The following KIF1A variants were observed in gnomAD, a reference collection of about 807,000 sequenced individuals.
The protein encoded by KIF1A is kinesin family member 1A.
Under a neutral mutation model 227.3 loss-of-function variants are expected in KIF1A, and 46 were observed. The observed-to-expected ratio is 0.20, with a 90% CI of 0.16 to 0.26. The LOEUF is 0.26. KIF1A is among the 10% of genes least tolerant of loss of function. KIF1A has a pLI of 1.00. For synonymous variants in KIF1A, 1,022 were observed against 1,012.8 expected, an observed-to-expected ratio of 1.01 and a Z score of -0.17; for missense variants, 1,683 against 2,485.9, an observed-to-expected ratio of 0.68 and a Z score of 6.87.
intron 43 of KIF1A, 82 bp downstream of exon 43, chr2:240,722,374 G>T (rs998609503): frequency 5.9e-6 from 8 of 1,348,496 alleles, no homozygotes; most frequent in Non-Finnish European, 8.1e-6. Flanking sequence ...GGGCAAGGCC[G>T]GGTTGCTGGA....
intron 38 of KIF1A, chr2:240,728,502 A>T (rs897207263): frequency 1.1e-6 from 1 of 882,750 alleles, no homozygotes; most frequent in Non-Finnish European, 1.7e-6. Flanking sequence ...CCAGGGCAGA[A>T]AACTTAAGAG....
intron 34 of KIF1A, among the ~76,000 whole-genome samples, chr2:240,742,340 G>A (rs139925185): frequency 1.2e-3 from 188 of 152,254 alleles, no homozygotes; most frequent in African/African-American, 4.5e-3. Context: ...TGGGCTATGA[G>A]AGACTCGGCC....
rs371444142 is a variant in KIF1A, at chr2:240,758,461, G to A, written c.2481C>T (p.Arg827=). 16 of 1,607,886 alleles carry A rather than the reference G, an allele frequency of 1.0e-5. No homozygotes were observed. The highest frequency in any genetic ancestry group is 4.0e-5 in the African/African-American group (3 of 74,732). The change falls in exon 26 of 49, where the codon CGC becomes CGT. Residue 827 remains arginine, a synonymous_variant. Coordinates refer to ENST00000498729, the MANE Select transcript of KIF1A (RefSeq NM_001244008.2). This position sits in a 1 kb window ranked among gnomAD's most constrained non-coding sequence, Gnocchi z 5.2. ...RLDLMREMYD[R]AAEVPSSVIE... The stretch of plus-strand genomic sequence containing the variant: ...TGACACTGGAGGGCACCTCTGCAGC[G>A]CGGTCGTACATCTCCCGCATCAGGT...
chr2:240,746,761 G>A (rs1279783466), intron 29 of KIF1A, among the ~76,000 whole-genome samples: 1 of 152,244 alleles, frequency 6.6e-6, no homozygotes, highest in Admixed American at 6.5e-5. Flanking sequence ...GAGACTGAGT[G>A]GTCCAGGTGC....
At position 240,788,294 on chromosome 2, in the gene KIF1A, G is replaced by C; in HGVS notation, c.184-64C>G. ...GTGCATCCGAGGCTCAGCCCATCAT[G>C]TCTGCGGAGCCAGGGGATGCCCAGG... On this transcript the variant is annotated intron_variant, in intron 3 of 48. Transcript: ENST00000498729. This position sits in a 1 kb window ranked among gnomAD's most constrained non-coding sequence, Gnocchi z 6.6. 6.6e-7 allele frequency: 1 copy of C among 1,507,936 alleles called. No individual in the cohort carries two copies. Among genetic ancestry groups the C allele is most frequent in the Non-Finnish European group, 9.1e-7 (1 of 1,093,096 alleles). The allele number at this position is 1,507,936 out of a possible 1,614,324, so 93.4% of individuals were successfully genotyped here. A position where few individuals can be genotyped will look rare whatever the true frequency, so the allele number is the denominator to read the frequency against.
At chr2:240,753,114 T>A (rs896909351) in intron 27 of KIF1A, among the ~76,000 whole-genome samples, 4 of 152,056 alleles carry the variant, frequency 2.6e-5, no homozygotes, top group Non-Finnish European at 5.9e-5. Flanking sequence ...CCCACCAACT[T>A]CTGAGCTACC....
intron 38 of KIF1A, among the ~76,000 whole-genome samples, chr2:240,728,649 G>A (rs770138484): frequency 3.9e-5 from 6 of 152,226 alleles, no homozygotes; most frequent in East Asian, 1.9e-4. Flanking sequence ...AGAGCCTTGC[G>A]TCTGTCCTCA....
chr2:240,746,089 C>G lies in KIF1A; in HGVS notation c.3152G>C (p.Gly1051Ala). 1 of 1,591,632 alleles carries G rather than the reference C, an allele frequency of 6.3e-7. No individual in the cohort carries two copies. Among genetic ancestry groups the G allele is most frequent in the African/African-American group, 1.3e-5 (1 of 74,564 alleles). Residue 1051 changes from glycine (G) to alanine (A), a missense_variant, in exon 30 of 49, where the codon GGT becomes GCT. Coordinates refer to ENST00000498729, the MANE Select transcript of KIF1A (RefSeq NM_001244008.2). ...ATCGGCTGAGGGCCCCACGTCTGCA[C>G]CCTGGCCCTGGCCCTCCACGATGCG... ...ELRIVEGQGQ[G>A]ADVGPSADEV...
intron 2 of KIF1A, among the ~76,000 whole-genome samples, chr2:240,794,205 C>T (rs1282519377): frequency 6.6e-6 from 1 of 152,232 alleles, no homozygotes; most frequent in Non-Finnish European, 1.5e-5. Context: ...GGACATCCTT[C>T]TCTCCTGAGC....
At chr2:240,779,789 G>A (rs2053373133) in intron 10 of KIF1A, among the ~76,000 whole-genome samples, 1 of 152,174 alleles carries the variant, frequency 6.6e-6, no homozygotes, top group Non-Finnish European at 1.5e-5. Context: ...CCCCACACTG[G>A]CTGACACGCT....
intron 38 of KIF1A, chr2:240,728,386 T>C (rs1337807023): frequency 6.9e-6 from 9 of 1,301,176 alleles, no homozygotes; most frequent in South Asian, 1.2e-5. Flanking sequence ...AAGTGAGCTG[T>C]ACCTAGTGTC....
In KIF1A at chr2:240,775,765, G is replaced by A. The variant is rs1007236799; in HGVS notation, c.958+86C>T. 41 of 907,566 alleles carry A rather than the reference G, an allele frequency of 4.5e-5. No homozygotes were observed. The East Asian group carries it at 5.6e-4, about 12-fold the overall frequency. The allele number at this position is 907,566 out of a possible 1,614,324, so 56.2% of individuals were successfully genotyped here. On this transcript the variant is annotated intron_variant, in intron 11 of 48. Transcript: ENST00000498729. This position sits in a 1 kb window ranked among gnomAD's most constrained non-coding sequence, Gnocchi z 5.5. Reference sequence around the variant, plus strand: ...CAGAAAGGGTGAGAGGCCTGCTGGCGACTGGGCACCCCCTCAGTGGGGAAG... The same window carrying A: ...CAGAAAGGGTGAGAGGCCTGCTGGCAACTGGGCACCCCCTCAGTGGGGAAG...
intron 31 of KIF1A, 31 bp from the exon 32 acceptor site, chr2:240,745,548 G>T: frequency 1.9e-6 from 3 of 1,576,810 alleles, no homozygotes; most frequent in Non-Finnish European, 1.7e-6. Context: ...TTTGGTGTGG[G>T]GTGGGGGACT....
intron 1 of KIF1A, among the ~76,000 whole-genome samples, chr2:240,810,919 G>A (rs1013606960): frequency 6.6e-6 from 1 of 152,220 alleles, no homozygotes. Flanking sequence ...CGAGATGCCG[G>A]GTGGTGGTGA....
chr2:240,727,621 G>A (rs894295803), intron 38 of KIF1A, among the ~76,000 whole-genome samples: 2 of 152,196 alleles, frequency 1.3e-5, no homozygotes, highest in Admixed American at 6.5e-5. Flanking sequence ...GTTAGCACAC[G>A]GGAGACAGCG....
In KIF1A at chr2:240,775,925, T is replaced by C. The variant is rs1559517909; in HGVS notation, c.884A>G (p.Asn295Ser). 1 of 1,605,962 alleles carries C rather than the reference T, an allele frequency of 6.2e-7. No individual in the cohort carries two copies. Among genetic ancestry groups the C allele is most frequent in the Non-Finnish European group, 8.5e-7 (1 of 1,172,522 alleles). ...LAEMDSGPNK[N>S]KKKKKTDFIP... ...GAAATCTGTCTTCTTCTTTTTCTTGTTCTGTGGGGGAGGAACATTCAAGGT... is the reference window on the plus strand; with the variant it reads ...GAAATCTGTCTTCTTCTTTTTCTTGCTCTGTGGGGGAGGAACATTCAAGGT... The change falls in exon 11 of 49, where the codon AAC becomes AGC. Residue 295 changes from asparagine (N) to serine (S), a missense_variant and splice_region_variant. Transcript: ENST00000498729. This position sits in a 1 kb window ranked among gnomAD's most constrained non-coding sequence, Gnocchi z 5.5.
Position 240,716,049 on chromosome 2 carries a change from T to G in KIF1A, c.*1315A>C, listed in dbSNP as rs2044566884. On this transcript the variant is annotated 3_prime_UTR_variant, in exon 49 of 49. Coordinates refer to ENST00000498729, the MANE Select transcript of KIF1A (RefSeq NM_001244008.2). ...CTTGGGGCTGACCCCCGTCCTGTCC[T>G]GGGTGGCCCTCGGACATTGGTGTCT... The G allele has an allele frequency of 6.6e-6, 1 of 152,328 alleles. No individual in the cohort carries two copies. Among genetic ancestry groups the G allele is most frequent in the South Asian group, 2.1e-4 (1 of 4,812 alleles). The allele number at this position is 152,328 out of a possible 1,614,324, so 9.4% of individuals were successfully genotyped here.
At position 240,750,513 on chromosome 2, in the gene KIF1A, C is replaced by T. The variant is rs747975784; in HGVS notation, c.2893G>A (p.Val965Ile). The T allele has an allele frequency of 7.4e-6, 12 of 1,613,734 alleles. No individual in the cohort carries two copies. The highest frequency in any genetic ancestry group is 6.7e-5 in the East Asian group (3 of 44,890). Residue 965 changes from valine to isoleucine, a missense_variant, in exon 28 of 49, where the codon GTT becomes ATT. Around this residue, in one of 12 missense-constraint regions of KIF1A, gnomAD observed 759 missense variants for 1,020.2 expected, o/e 0.74. Transcript: ENST00000498729. ...ATTGCCACACGGTGTACCAGGGGAACGGGGTACAGCAGGTTGCTCAGGTAC... is the reference window on the plus strand; with the variant it reads ...ATTGCCACACGGTGTACCAGGGGAATGGGGTACAGCAGGTTGCTCAGGTAC... ...FVYLSNLLYP[V>I]PLVHRVAIVS...
Position 240,725,288 on chromosome 2 carries a change from G to A in KIF1A, c.4239C>T (p.Ser1413=). 1.2e-6 allele frequency: 2 copies of A among 1,606,124 alleles called. No homozygotes were observed. The highest frequency in any genetic ancestry group is 1.7e-6 in the Non-Finnish European group (2 of 1,177,014). ...GAGCTTACCTCTCTGAGGCCCGAAG[G>A]CTCCCACTGCCAAAGAGGTTGCGGA... The part of the protein sequence containing the change: ...RSIRNLFGSG[S]LRASESNRVT... The change falls in exon 40 of 49, where the codon AGC becomes AGT. Residue 1413 remains serine, a synonymous_variant. Coordinates refer to ENST00000498729, the MANE Select transcript of KIF1A (RefSeq NM_001244008.2). The surrounding 1 kb of genome is among the most constrained non-coding windows in gnomAD (Gnocchi z 5.8).
Sources: allele counts gnomAD v4.1 joint callset (sites outside exome capture counted in the v4.1 genomes callset), GRCh38; gene constraint gnomAD v4.1.1; regional missense constraint gnomAD v4.1.1; non-coding constraint Gnocchi (gnomAD v3.1); transcripts MANE v1.5; gene names NCBI Gene and HGNC (gene_info 2026-07-23, HGNC 2026-07-21).